DYNC2H1: variants seen among roughly 807,000 people sequenced by gnomAD.
DYNC2H1 encodes the protein dynein cytoplasmic 2 heavy chain 1.
A neutral mutation model predicts 570.0 loss-of-function variants in DYNC2H1; 410 were observed. The observed-to-expected ratio is 0.72, with a 90% CI of 0.66 to 0.78. The LOEUF (loss-of-function observed/expected upper bound fraction) is 0.78, where lower values mean the gene tolerates loss of function less well. Ranked by LOEUF, DYNC2H1 falls within the 30% of genes least tolerant of loss-of-function variation. The pLI is 0.00. For synonymous variants in DYNC2H1, 1,688 were observed against 1,677.6 expected, an observed-to-expected ratio of 1.01 and a Z score of -0.15; for missense variants, 4,865 against 5,046.4, an observed-to-expected ratio of 0.96 and a Z score of 1.09.
chr11:103,286,373 C>T lies in DYNC2H1; in HGVS notation c.11009C>T (p.Ser3670Phe). 1 of 1,611,144 alleles carries T rather than the reference C, an allele frequency of 6.2e-7. No individual in the cohort carries two copies. Among genetic ancestry groups the T allele is most frequent in the Non-Finnish European group, 8.5e-7 (1 of 1,179,220 alleles). ...EFPSILAKKV[S>F]LFQQILVVQA... is the part of the protein sequence containing the mutation. ...CCATCTATCCTTGCAAAGAAAGTTT[C>T]CTTATTTCAGCAGGTAAAATTTAGT... is the stretch of plus-strand genomic sequence containing the variant. The change falls in exon 74 of 89, where the codon TCC (serine) becomes TTC (phenylalanine). Residue 3670 changes from serine to phenylalanine, a missense_variant. Around this residue, in one of 5 missense-constraint regions of DYNC2H1, gnomAD observed 2,401 missense variants for 2,454.6 expected, o/e 0.98. Transcript: ENST00000375735.
intron 17 of DYNC2H1, among the ~76,000 whole-genome samples, chr11:103,142,283 A>G (rs1183026899): frequency 6.6e-6 from 1 of 152,202 alleles, no homozygotes; most frequent in Non-Finnish European, 1.5e-5. Flanking sequence ...AAATGCAGAA[A>G]TCACCTGTCT....
intron 79 of DYNC2H1, among the ~76,000 whole-genome samples, chr11:103,315,652 C>G (rs1357462854): frequency 6.6e-6 from 1 of 152,008 alleles, no homozygotes; most frequent in Non-Finnish European, 1.5e-5. Context: ...GACTTTCCCT[C>G]TCCTCTAGAT....
intron 83 of DYNC2H1, among the ~76,000 whole-genome samples, chr11:103,397,999 T>G (rs1360052293): frequency 6.6e-6 from 1 of 152,218 alleles, no homozygotes; most frequent in Admixed American, 6.5e-5. Flanking sequence ...TTTGTTCTAT[T>G]AAGTGACAGT....
At chr11:103,131,914 C>A (rs1859297595) in intron 13 of DYNC2H1, among the ~76,000 whole-genome samples, 1 of 152,070 alleles carries the variant, frequency 6.6e-6, no homozygotes, top group African/African-American at 2.4e-5. Flanking sequence ...AGCATAGAAT[C>A]CTTTTTTAAC....
At chr11:103,281,405 T>G (rs1866126350) in intron 71 of DYNC2H1, among the ~76,000 whole-genome samples, 1 of 152,024 alleles carries the variant, frequency 6.6e-6, no homozygotes, top group African/African-American at 2.4e-5. Context: ...AAATTGTCAT[T>G]GGGAAAGGAG....
At chr11:103,449,028 C>T (rs539352043) in intron 85 of DYNC2H1, among the ~76,000 whole-genome samples, 46 of 152,070 alleles carry the variant, frequency 3.0e-4, no homozygotes, top group African/African-American at 1.1e-3. Context: ...ATAGGAAAGA[C>T]GTTTCTGATA....
chr11:103,199,101 A>C lies in DYNC2H1; in HGVS notation c.7840-127A>C. The C allele has an allele frequency of 1.7e-6, 1 of 578,794 alleles. No individual in the cohort carries two copies. Among genetic ancestry groups the C allele is most frequent in the Non-Finnish European group, 2.8e-6 (1 of 359,436 alleles). 35.9% of individuals were successfully genotyped at this position (578,794 alleles called of 1,614,324 possible). ...CATATAAAATATTGAGTGTGAGATG[A>C]TATGTAGTCACTTTACTTTTTTTCT... On this transcript the variant is annotated intron_variant, in intron 48 of 88. Coordinates refer to ENST00000375735, the MANE Select transcript of DYNC2H1 (RefSeq NM_001377.3). The surrounding 1 kb of genome is among the most constrained non-coding windows in gnomAD (Gnocchi z 4.6).
At chr11:103,427,635 A>AGAT (rs1420614053) in intron 84 of DYNC2H1, among the ~76,000 whole-genome samples, 4 of 152,232 alleles carry the variant, frequency 2.6e-5, no homozygotes, top group South Asian at 2.1e-4. Flanking sequence ...AAAAGTTTAC[A>AGAT]GATAGCCATC....
chr11:103,437,156 A>C (rs1272934393), intron 85 of DYNC2H1, among the ~76,000 whole-genome samples: 3 of 152,082 alleles, frequency 2.0e-5, no homozygotes, highest in African/African-American at 7.2e-5. Flanking sequence ...CTTACGTTTT[A>C]CTTCATAGAG....
chr11:103,386,643 C>G (rs1386195337), intron 83 of DYNC2H1, among the ~76,000 whole-genome samples: 1 of 152,128 alleles, frequency 6.6e-6, no homozygotes, highest in Non-Finnish European at 1.5e-5. Flanking sequence ...AATGCTATCC[C>G]TCCACACTCC....
At chr11:103,399,309 A>AT (rs771285549) in intron 83 of DYNC2H1, among the ~76,000 whole-genome samples, 9,020 of 93,666 alleles carry the variant, frequency 0.096, 407 homozygotes, top group African/African-American at 0.12. Context: ...TATTCGGCTA[A>AT]TTTTTTTTTT....
intron 85 of DYNC2H1, among the ~76,000 whole-genome samples, chr11:103,454,586 C>T (rs1944722557): frequency 6.6e-6 from 1 of 152,110 alleles, no homozygotes; most frequent in African/African-American, 2.4e-5. Flanking sequence ...ACATGGAAAG[C>T]ATATAGTAAG....
Position 103,170,062 on chromosome 11 carries a change from G to A in DYNC2H1, c.4969-46G>A. ...TCATGCTGTAAAAATATTTGTAAAT[G>A]TTGAATAGAACATGAATACTCTGAC... On this transcript the variant is annotated intron_variant, in intron 32 of 88. Coordinates refer to ENST00000375735, the MANE Select transcript of DYNC2H1 (RefSeq NM_001377.3). This position sits in a 1 kb window ranked among gnomAD's most constrained non-coding sequence, Gnocchi z 4.8. 1.4e-6 allele frequency: 2 copies of A among 1,448,672 alleles called. No individual in the cohort carries two copies. The highest frequency in any genetic ancestry group is 1.9e-6 in the Non-Finnish European group (2 of 1,080,604). The allele number at this position is 1,448,672 out of a possible 1,614,324, so 89.7% of individuals were successfully genotyped here. A position where few individuals can be genotyped will look rare whatever the true frequency, so the allele number is the denominator to read the frequency against.
chr11:103,383,086 C>T (rs1941721183), intron 83 of DYNC2H1, among the ~76,000 whole-genome samples: 1 of 152,112 alleles, frequency 6.6e-6, no homozygotes, highest in African/African-American at 2.4e-5. Context: ...TGCTGCTCTT[C>T]AGAAGTACTG....
intron 75 of DYNC2H1, among the ~76,000 whole-genome samples, chr11:103,296,729 T>A (rs1226563174): frequency 6.6e-6 from 1 of 152,100 alleles, no homozygotes; most frequent in Non-Finnish European, 1.5e-5. Flanking sequence ...TTTCACCTTC[T>A]TTTCTGGATC....
At chr11:103,411,089 A>G (rs545324875) in intron 84 of DYNC2H1, among the ~76,000 whole-genome samples, 9 of 152,136 alleles carry the variant, frequency 5.9e-5, no homozygotes, top group Admixed American at 1.3e-4. Flanking sequence ...AGACATTTTC[A>G]GTGTCTTCCT....
At chr11:103,443,166 C>T (rs1944322188) in intron 85 of DYNC2H1, among the ~76,000 whole-genome samples, 1 of 152,084 alleles carries the variant, frequency 6.6e-6, no homozygotes, top group South Asian at 2.1e-4. Flanking sequence ...TCTGAAGATA[C>T]AATGGAAGGT....
rs1420452819 is a variant in DYNC2H1, at chr11:103,335,509, A to G, written c.12039+11519A>G. ...TGGCCATGAGATTAGCAGAGAGGAG[A>G]AAAATATGCTTTTGAGAATTGTTTT... On this transcript the variant is annotated intron_variant, in intron 82 of 88. Transcript: ENST00000375735. Among the ~76,000 whole-genome samples, 4 of 152,160 alleles carry G rather than the reference A, an allele frequency of 2.6e-5. No homozygotes were observed. In the South Asian group the frequency reaches 8.3e-4, roughly 32 times the overall value.
chr11:103,210,502 A>G (rs548710758), intron 53 of DYNC2H1, among the ~76,000 whole-genome samples: 8 of 152,128 alleles, frequency 5.3e-5, no homozygotes, highest in Non-Finnish European at 1.0e-4. Flanking sequence ...TTTATACTGT[A>G]CTGGGCTGGA....
Sources: allele counts gnomAD v4.1 joint callset (sites outside exome capture counted in the v4.1 genomes callset), GRCh38; gene constraint gnomAD v4.1.1; regional missense constraint gnomAD v4.1.1; non-coding constraint Gnocchi (gnomAD v3.1); transcripts MANE v1.5; gene names NCBI Gene and HGNC (gene_info 2026-07-23, HGNC 2026-07-21).